The following PARD3 variants were observed in gnomAD, a reference collection of about 807,000 sequenced individuals.
PARD3 encodes par-3 family cell polarity regulator.
PARD3 carries 75 observed loss-of-function variants against 155.4 expected under a neutral mutation model. The observed-to-expected ratio is 0.48, with a 90% CI of 0.40 to 0.58. The LOEUF (loss-of-function observed/expected upper bound fraction) is 0.58, where lower values mean the gene tolerates loss of function less well. Among genes scored for constraint, PARD3 ranks in the 20% least tolerant of loss-of-function variants. The pLI is 0.00. For synonymous variants in PARD3, 576 were observed against 610.5 expected, an observed-to-expected ratio of 0.94 and a Z score of 0.83; for missense variants, 1,642 against 1,721.7, an observed-to-expected ratio of 0.95 and a Z score of 0.82.
At chr10:34,284,079 A>C in intron 21 of PARD3, 56 bp downstream of exon 21, 1 of 971,258 alleles carries the variant, frequency 1.0e-6, no homozygotes, top group South Asian at 1.5e-5. Flanking sequence ...GAAAGTAGAA[A>C]GAAAAAAAAA....
At chr10:34,579,562 G>C (rs1423789849) in intron 2 of PARD3, among the ~76,000 whole-genome samples, 2 of 131,714 alleles carry the variant, frequency 1.5e-5, no homozygotes, top group African/African-American at 6.4e-5. Context: ...CTCTGTGTGT[G>C]TGTGTGTGTG....
At chr10:34,174,568 T>G (rs1232665113) in intron 22 of PARD3, among the ~76,000 whole-genome samples, 4 of 152,152 alleles carry the variant, frequency 2.6e-5, no homozygotes, top group Admixed American at 6.6e-5. Flanking sequence ...AGGCCACCTG[T>G]CTGGCTGGCA....
At chr10:34,222,545 C>T (rs1390955795) in intron 22 of PARD3, among the ~76,000 whole-genome samples, 3 of 152,190 alleles carry the variant, frequency 2.0e-5, no homozygotes, top group African/African-American at 7.2e-5. Flanking sequence ...CTGGCATAAC[C>T]AGGATAGTAA....
intron 4 of PARD3, among the ~76,000 whole-genome samples, chr10:34,457,712 C>CGG (rs2077409811): frequency 6.6e-6 from 1 of 152,028 alleles, no homozygotes; most frequent in African/African-American, 2.4e-5. Context: ...GCGATCCTCC[C>CGG]ATCTCAGACT....
chr10:34,521,961 T>C (rs12246620), intron 2 of PARD3, among the ~76,000 whole-genome samples: 4,429 of 152,230 alleles, frequency 0.029, 221 homozygotes, highest in African/African-American at 0.1. Flanking sequence ...CCTCCAGACC[T>C]TACTCTCCTC....
intron 1 of PARD3, among the ~76,000 whole-genome samples, chr10:34,813,689 C>T (rs1414911632): frequency 8.5e-5 from 13 of 152,150 alleles, no homozygotes; most frequent in Admixed American, 8.5e-4. Context: ...TTCTTAATTT[C>T]TGAGAGAACT....
At chr10:34,371,496 A>C (rs1473856684) in intron 12 of PARD3, among the ~76,000 whole-genome samples, 1 of 56,296 alleles carries the variant, frequency 1.8e-5, no homozygotes, top group African/African-American at 1.3e-4. Flanking sequence ...CAAAAAAAAA[A>C]AAAAAAAAAA....
At chr10:34,429,540 C>T (rs1244884824) in intron 5 of PARD3, among the ~76,000 whole-genome samples, 1 of 150,084 alleles carries the variant, frequency 6.7e-6, no homozygotes, top group East Asian at 2.0e-4. Context: ...AGAATACAGC[C>T]CCACTCTAAC....
At chr10:34,557,835 A>G (rs2085129083) in intron 2 of PARD3, among the ~76,000 whole-genome samples, 1 of 151,840 alleles carries the variant, frequency 6.6e-6, no homozygotes. Context: ...TTGGGAGGCT[A>G]AGGTGGGAGG....
chr10:34,257,469 A>G (rs1226018499), intron 22 of PARD3, among the ~76,000 whole-genome samples: 3 of 152,220 alleles, frequency 2.0e-5, no homozygotes, highest in Admixed American at 2.0e-4. Context: ...AGGATCTTGG[A>G]GCTTTTGTTA....
intron 1 of PARD3, among the ~76,000 whole-genome samples, chr10:34,724,584 A>G (rs534135715): frequency 2.0e-5 from 3 of 152,362 alleles, no homozygotes; most frequent in East Asian, 3.9e-4. Flanking sequence ...ACATAGAACT[A>G]AAGGAAATAC....
chr10:34,344,926 C>T lies in PARD3; in HGVS notation c.2218+3039G>A, dbSNP rs542012845. On this transcript the variant is annotated intron_variant, in intron 15 of 24. Coordinates refer to ENST00000374788, the MANE Select transcript of PARD3 (RefSeq NM_001184785.2). ...TTAATGTATTTGCTCCATAACTCCC[C>T]GACATATAAGGTAAGTTGGCTGGAG... 2.6e-5 allele frequency: 26 copies of T among 985,356 alleles called. 1 individual carries two copies. The highest frequency in any genetic ancestry group is 5.2e-4 in the Middle Eastern group (1 of 1,914). 61.0% of individuals were successfully genotyped at this position (985,356 alleles called of 1,614,324 possible). A position where few individuals can be genotyped will look rare whatever the true frequency, so the allele number is the denominator to read the frequency against.
At chr10:34,115,275 G>A (rs1398767867) in intron 24 of PARD3, among the ~76,000 whole-genome samples, 3 of 152,108 alleles carry the variant, frequency 2.0e-5, no homozygotes, top group Non-Finnish European at 2.9e-5. Context: ...CAGCAGACAC[G>A]GAGCCGAGGG....
At chr10:34,205,342 A>C (rs1000138316) in intron 22 of PARD3, among the ~76,000 whole-genome samples, 3 of 152,142 alleles carry the variant, frequency 2.0e-5, no homozygotes, top group African/African-American at 7.2e-5. Flanking sequence ...AAATATTCCT[A>C]TCTGGCCTAA....
At position 34,430,012 on chromosome 10, in the gene PARD3, G is replaced by C. The variant is rs76803038; in HGVS notation, c.714+20305C>G. ...CCCAAAGTGCTAAGATTATAGGAAT[G>C]AGTCACTGCACCTGGCTATAAAAAT... is the stretch of plus-strand genomic sequence containing the variant. On this transcript the variant is annotated intron_variant, in intron 5 of 24. Transcript: ENST00000374788. Among the ~76,000 whole-genome samples, 25 of 152,314 alleles carry C rather than the reference G, an allele frequency of 1.6e-4. No homozygotes were observed. In the East Asian group the frequency reaches 4.8e-3, roughly 29 times the overall value.
intron 2 of PARD3, among the ~76,000 whole-genome samples, chr10:34,689,499 G>A (rs959743104): frequency 3.9e-5 from 6 of 151,960 alleles, no homozygotes; most frequent in Admixed American, 1.3e-4. Context: ...AATAAAAAAC[G>A]GCTTTAAAAG....
intron 23 of PARD3, among the ~76,000 whole-genome samples, chr10:34,127,799 A>G (rs1947366785): frequency 1.3e-5 from 2 of 152,000 alleles, no homozygotes; most frequent in African/African-American, 4.8e-5. Context: ...CACCATGCTC[A>G]TTACTCTTTT....
chr10:34,723,303 A>C (rs2094638719), intron 1 of PARD3, among the ~76,000 whole-genome samples: 1 of 152,214 alleles, frequency 6.6e-6, no homozygotes, highest in Non-Finnish European at 1.5e-5. Flanking sequence ...GGGGGACAAA[A>C]AAGAAATCAT....
chr10:34,563,532 A>T (rs1215192085), intron 2 of PARD3, among the ~76,000 whole-genome samples: 2 of 144,308 alleles, frequency 1.4e-5, no homozygotes, highest in East Asian at 2.1e-4. Context: ...ACGCCTGCTA[A>T]TTTTTTTTTT....
Sources: allele counts gnomAD v4.1 joint callset (sites outside exome capture counted in the v4.1 genomes callset), GRCh38; gene constraint gnomAD v4.1.1; transcripts MANE v1.5; gene names NCBI Gene and HGNC (gene_info 2026-07-23, HGNC 2026-07-21).